Variants in NBDY observed in about 807,000 individuals in gnomAD.
The protein encoded by NBDY is P-body dissociating protein.
intron 2 of NBDY, among the ~76,000 whole-genome samples, chrX:56,786,638 T>G (rs926722812): frequency 2.7e-5 from 1 of 36,911 alleles, no homozygotes; most frequent in African/African-American, 4.1e-5. Context: ...TCTTTCTGCT[T>G]CTTCTTTTTC....
chrX:56,736,381 C>T (rs1158247018), intron 2 of NBDY, among the ~76,000 whole-genome samples: 1 of 112,011 alleles, frequency 8.9e-6, no homozygotes, highest in African/African-American at 3.2e-5. Flanking sequence ...TCTCCTGCCG[C>T]AGCCTCCCAA....
intron 2 of NBDY, among the ~76,000 whole-genome samples, chrX:56,793,750 A>AT (rs1303638285): frequency 1.8e-5 from 2 of 110,562 alleles, no homozygotes; most frequent in Non-Finnish European, 3.8e-5. Flanking sequence ...CATTCTTAGG[A>AT]TGGCACCCTG....
chrX:56,794,242 C>T lies in NBDY; in HGVS notation c.*167-23078C>T, dbSNP rs371567045. On this transcript the variant is annotated intron_variant, in intron 2 of 2. Transcript: ENST00000374922. ...CAGCCCCGCATATTTTTGCTGACCT[C>T]GGTGCCTAGCAGAAGGCAAGTGTTT... Among the ~76,000 whole-genome samples the T allele has an allele frequency of 1.2e-3, 129 of 111,686 alleles. 1 individual carries two copies. Among genetic ancestry groups the T allele is most frequent in the African/African-American group, 3.9e-3 (119 of 30,733 alleles).
chrX:56,748,621 A>C (rs370252974), intron 2 of NBDY, among the ~76,000 whole-genome samples: 1 of 108,465 alleles, frequency 9.2e-6, no homozygotes, highest in Non-Finnish European at 1.9e-5. Context: ...ATAAAGGAGT[A>C]ATAGGATGAG....
chrX:56,760,183 C>CTTGGG (rs2069631469), intron 2 of NBDY, among the ~76,000 whole-genome samples: 1 of 113,067 alleles, frequency 8.8e-6, no homozygotes, highest in Non-Finnish European at 1.9e-5. Flanking sequence ...GGAAACCCTG[C>CTTGGG]CTTGGGCTGA....
chrX:56,735,689 A>G (rs551754346), intron 2 of NBDY, among the ~76,000 whole-genome samples: 1 of 111,956 alleles, frequency 8.9e-6, no homozygotes. Flanking sequence ...GAGTCCTGCA[A>G]AAGTGATCTT....
chrX:56,793,732 C>A (rs1219198969), intron 2 of NBDY, among the ~76,000 whole-genome samples: 4 of 110,920 alleles, frequency 3.6e-5, no homozygotes, highest in African/African-American at 1.3e-4. Context: ...TGGCCCTTCG[C>A]CTGGGCTCAT....
At position 56,817,413 on chromosome X, in the gene NBDY, G is replaced by A. The variant is rs751074205; in HGVS notation, c.*260G>A. The A allele has an allele frequency of 2.7e-5, 3 of 111,931 alleles. No homozygotes were observed. In the East Asian group the frequency reaches 8.4e-4, roughly 31 times the overall value. The allele number at this position is 111,931 out of a possible 1,213,427, so 9.2% of individuals were successfully genotyped here. ...GGTTGTAAGACCTCTGAGATTTAAG[G>A]CCATGCCCTGGATCATGGTGAACTT... On this transcript the variant is annotated 3_prime_UTR_variant, in exon 3 of 3. Coordinates refer to ENST00000374922, the MANE Select transcript of NBDY (RefSeq NM_001348129.2).
rs184439197 is a variant in NBDY, at chrX:56,802,547, G to A, written c.*167-14773G>A. On this transcript the variant is annotated intron_variant, in intron 2 of 2. Transcript: ENST00000374922. ...ACGCCCTGTGACTGCCTGTTGAGCTGTTCGCTCATTTTGGTGACCTCCATG... is the reference window on the plus strand; with the variant it reads ...ACGCCCTGTGACTGCCTGTTGAGCTATTCGCTCATTTTGGTGACCTCCATG... 1.3e-4 allele frequency among the ~76,000 whole-genome samples: 14 copies of A among 110,908 alleles called. No homozygotes were observed. In the East Asian group the frequency reaches 4.0e-3, roughly 32 times the overall value.
chrX:56,760,687 A>C (rs987539650), intron 2 of NBDY, among the ~76,000 whole-genome samples: 2 of 112,076 alleles, frequency 1.8e-5, no homozygotes, highest in Non-Finnish European at 3.8e-5. Flanking sequence ...TCTGTCTCAA[A>C]AAACAAACAA....
At chrX:56,736,120 C>T (rs1294004107) in intron 2 of NBDY, among the ~76,000 whole-genome samples, 7 of 111,447 alleles carry the variant, frequency 6.3e-5, no homozygotes, top group Admixed American at 5.7e-4. Flanking sequence ...GCATTCCTGC[C>T]GCACGCAGCA....
intron 2 of NBDY, among the ~76,000 whole-genome samples, chrX:56,814,708 T>A (rs1437628251): frequency 1.8e-5 from 2 of 110,871 alleles, no homozygotes; most frequent in East Asian, 5.6e-4. Context: ...TTGGCCCGGA[T>A]GGCCTCCATC....
At chrX:56,786,287 C>T (rs2069727367) in intron 2 of NBDY, among the ~76,000 whole-genome samples, 2 of 111,054 alleles carry the variant, frequency 1.8e-5, no homozygotes, top group Non-Finnish European at 3.8e-5. Flanking sequence ...TTTGATCCCA[C>T]TCAGGAGAGA....
intron 2 of NBDY, among the ~76,000 whole-genome samples, chrX:56,763,814 C>A (rs1569287435): frequency 8.9e-6 from 1 of 112,564 alleles, no homozygotes; most frequent in Non-Finnish European, 1.9e-5. Context: ...CCTTTCACTC[C>A]TCTGTCTTTT....
Position 56,735,404 on chromosome X carries a change from A to G in NBDY, c.*166+3205A>G, listed in dbSNP as rs776178112. Among the ~76,000 whole-genome samples, 6 of 112,609 alleles carry G rather than the reference A, an allele frequency of 5.3e-5. No individual in the cohort carries two copies. The South Asian group carries it at 1.5e-3, about 28-fold the overall frequency. ...CTCTCACAAAATCAGAGGTTGCCCT[A>G]TGTAATATCACACTTTTTACCTTGA... On this transcript the variant is annotated intron_variant, in intron 2 of 2. Transcript: ENST00000374922.
intron 2 of NBDY, among the ~76,000 whole-genome samples, chrX:56,782,777 C>T (rs1160664585): frequency 1.8e-5 from 2 of 111,496 alleles, no homozygotes; most frequent in Non-Finnish European, 3.8e-5. Flanking sequence ...TGCAGGGTGT[C>T]TCCGCCACAT....
intron 2 of NBDY, among the ~76,000 whole-genome samples, chrX:56,765,062 T>C (rs1198862838): frequency 1.8e-5 from 2 of 112,616 alleles, no homozygotes; most frequent in South Asian, 3.6e-4. Context: ...TTCACTTTTT[T>C]CTTCTTCATT....
At chrX:56,733,201 G>T (rs902332470) in intron 2 of NBDY, among the ~76,000 whole-genome samples, 5 of 105,031 alleles carry the variant, frequency 4.8e-5, no homozygotes, top group African/African-American at 1.7e-4. Flanking sequence ...TTGACCCATG[G>T]TTTGTTTTTT....
At chrX:56,752,232 G>A (rs907210958) in intron 2 of NBDY, among the ~76,000 whole-genome samples, 1 of 112,130 alleles carries the variant, frequency 8.9e-6, no homozygotes, top group Admixed American at 9.4e-5. Context: ...TAATGGGATT[G>A]CTGGATCAAT....
Sources: allele counts gnomAD v4.1 joint callset (sites outside exome capture counted in the v4.1 genomes callset), GRCh38; gene constraint gnomAD v4.1.1; transcripts MANE v1.5; gene names NCBI Gene and HGNC (gene_info 2026-07-23, HGNC 2026-07-21).